Variants in CD226 observed in about 807,000 individuals in gnomAD.
The protein encoded by CD226 is CD226 antigen.
A neutral mutation model predicts 34.9 loss-of-function variants in CD226; 24 were observed. The ratio of observed to expected loss-of-function variants is 0.69; its 90% CI spans 0.50 to 0.97. The LOEUF (loss-of-function observed/expected upper bound fraction) is 0.97. Ranked by LOEUF, CD226 falls within the 50% of genes least tolerant of loss-of-function variation. CD226 has a pLI of 0.00. For synonymous variants in CD226, 148 were observed against 147.4 expected (o/e 1.00, Z -0.03); for missense variants, 397 against 412.7 (o/e 0.96, Z 0.33).
intron 3 of CD226, among the ~76,000 whole-genome samples, chr18:69,881,625 C>T (rs1035335643): frequency 2.0e-5 from 3 of 152,170 alleles, no homozygotes; most frequent in African/African-American, 4.8e-5. Context: ...TTATATTTTA[C>T]GTAGACACAT....
intron 2 of CD226, 25 bp downstream of exon 2, chr18:69,946,708 TA>T (rs57226213): frequency 0.078 from 88,937 of 1,134,068 alleles, 5 homozygotes; most frequent in South Asian, 0.099. Context: ...AAAAGGGATT[TA>T]AAAAAAAAAA....
intron 2 of CD226, among the ~76,000 whole-genome samples, chr18:69,939,508 T>C (rs1460784470): frequency 6.6e-6 from 1 of 152,188 alleles, no homozygotes; most frequent in African/African-American, 2.4e-5. Flanking sequence ...GGTTCTACTG[T>C]TGATGGGTAT....
intron 2 of CD226, among the ~76,000 whole-genome samples, chr18:69,912,234 G>C (rs1444284956): frequency 6.6e-6 from 1 of 152,156 alleles, no homozygotes; most frequent in Admixed American, 6.5e-5. Flanking sequence ...CAGGACATAG[G>C]CATGGGCAAG....
chr18:69,946,377 G>A (rs2055792806), intron 2 of CD226, among the ~76,000 whole-genome samples: 1 of 151,854 alleles, frequency 6.6e-6, no homozygotes, highest in African/African-American at 2.4e-5. Flanking sequence ...TCCAGCAGAA[G>A]GGAATGGTGC....
chr18:69,916,555 T>C (rs1018708173), intron 2 of CD226, among the ~76,000 whole-genome samples: 5 of 152,228 alleles, frequency 3.3e-5, no homozygotes, highest in Admixed American at 6.5e-5. Flanking sequence ...ATTCATAAAG[T>C]AATACAAAAA....
intron 2 of CD226, among the ~76,000 whole-genome samples, chr18:69,924,601 C>T (rs1222886458): frequency 2.9e-5 from 4 of 137,072 alleles, no homozygotes; most frequent in Non-Finnish European, 1.5e-5. Context: ...AAAATATATG[C>T]CAACAGATCT....
intron 5 of CD226, among the ~76,000 whole-genome samples, chr18:69,867,028 G>A (rs1024394916): frequency 1.2e-4 from 19 of 152,134 alleles, no homozygotes; most frequent in African/African-American, 4.6e-4. Context: ...ATAGATTTCT[G>A]TTGTTTTAAG....
intron 2 of CD226, among the ~76,000 whole-genome samples, chr18:69,916,166 C>A (rs2055383454): frequency 6.6e-6 from 1 of 152,068 alleles, no homozygotes; most frequent in South Asian, 2.1e-4. Flanking sequence ...CCAGAGATAA[C>A]CACACAGATA....
At position 69,858,043 on chromosome 18, in the gene CD226, G is replaced by A. The variant is rs1249268882; in HGVS notation, c.*6271C>T. ...GTTAAAGTCTAGAAAAATATGCAAT[G>A]TATACATGCGGATGATTAGTAAACC... On this transcript the variant is annotated 3_prime_UTR_variant, in exon 6 of 6. Coordinates refer to ENST00000582621, the MANE Select transcript of CD226 (RefSeq NM_001303618.2). The A allele has an allele frequency of 6.6e-6, 1 of 152,138 alleles. No homozygotes were observed. Among genetic ancestry groups the A allele is most frequent in the Non-Finnish European group, 1.5e-5 (1 of 68,018 alleles). 9.4% of individuals were successfully genotyped at this position (152,138 alleles called of 1,614,324 possible).
rs999197808 is a variant in CD226, at chr18:69,898,472, G to A, written c.383-2427C>T. Among the ~76,000 whole-genome samples the A allele has an allele frequency of 2.6e-5, 4 of 152,154 alleles. No individual in the cohort carries two copies. The East Asian group carries it at 7.7e-4, about 29-fold the overall frequency. On this transcript the variant is annotated intron_variant, in intron 2 of 5. Coordinates refer to ENST00000582621, the MANE Select transcript of CD226 (RefSeq NM_001303618.2). ...ATAGCCGTGTCTGCATTTTCACAAAGGACAATGCAGGAAGCAATGGGGAAA... is the reference window on the plus strand; with the variant it reads ...ATAGCCGTGTCTGCATTTTCACAAAAGACAATGCAGGAAGCAATGGGGAAA...
At chr18:69,949,966 ACACT>A (rs1222360387), upstream of CD226, among the ~76,000 whole-genome samples, 2 of 151,996 alleles carry the variant, frequency 1.3e-5, no homozygotes, top group Non-Finnish European at 2.9e-5. Flanking sequence ...ACATGCTCTC[ACACT>A]CACATATGCA....
chr18:69,934,279 T>TAC (rs760259895), intron 2 of CD226, among the ~76,000 whole-genome samples: 1,783 of 73,172 alleles, frequency 0.024, 24 homozygotes, highest in African/African-American at 0.032. Context: ...ACACAGAGGA[T>TAC]ACACACACAC....
At chr18:69,917,487 C>T (rs568501848) in intron 2 of CD226, among the ~76,000 whole-genome samples, 1 of 152,202 alleles carries the variant, frequency 6.6e-6, no homozygotes, top group African/African-American at 2.4e-5. Context: ...CACACCCCCC[C>T]AACACATGCA....
chr18:69,863,114 C>A lies in CD226; in HGVS notation c.*1200G>T, dbSNP rs1348611719. The A allele has an allele frequency of 6.6e-6, 1 of 152,084 alleles. No individual in the cohort carries two copies. Among genetic ancestry groups the A allele is most frequent in the African/African-American group, 2.4e-5 (1 of 41,412 alleles). The allele number at this position is 152,084 out of a possible 1,614,324, so 9.4% of individuals were successfully genotyped here. ...TGTCTGAATAGTGAAGCAGAAGTTT[C>A]CCTTTGTATTTTTCTGTGGTTTGAT... On this transcript the variant is annotated 3_prime_UTR_variant, in exon 6 of 6. Coordinates refer to ENST00000582621, the MANE Select transcript of CD226 (RefSeq NM_001303618.2).
intron 2 of CD226, among the ~76,000 whole-genome samples, chr18:69,902,016 G>A (rs2055192798): frequency 6.6e-6 from 1 of 152,096 alleles, no homozygotes; most frequent in African/African-American, 2.4e-5. Flanking sequence ...CAGTATTAAT[G>A]TGCCTGTTTC....
At chr18:69,949,051 G>A (rs996619088), upstream of CD226, among the ~76,000 whole-genome samples, 20 of 152,296 alleles carry the variant, frequency 1.3e-4, no homozygotes, top group African/African-American at 4.8e-4. Context: ...AGGAAATGGT[G>A]TGACTACAGT....
intron 2 of CD226, among the ~76,000 whole-genome samples, chr18:69,937,706 A>T (rs916873541): frequency 3.9e-5 from 6 of 152,180 alleles, no homozygotes; most frequent in Non-Finnish European, 7.3e-5. Context: ...CATTTATAAA[A>T]GCCAGATTTG....
intron 2 of CD226, among the ~76,000 whole-genome samples, chr18:69,896,398 G>A (rs1421413182): frequency 6.6e-6 from 1 of 152,098 alleles, no homozygotes; most frequent in Non-Finnish European, 1.5e-5. Flanking sequence ...AGCCAGGATG[G>A]TCTCAATCTC....
intron 2 of CD226, among the ~76,000 whole-genome samples, chr18:69,901,752 G>A (rs2055187847): frequency 1.3e-5 from 2 of 152,100 alleles, no homozygotes; most frequent in South Asian, 2.1e-4. Flanking sequence ...GGTGGCAGGT[G>A]CCTGTAGTCC....
Sources: allele counts gnomAD v4.1 joint callset (sites outside exome capture counted in the v4.1 genomes callset), GRCh38; gene constraint gnomAD v4.1.1; transcripts MANE v1.5; gene names NCBI Gene and HGNC (gene_info 2026-07-23, HGNC 2026-07-21).